Variants in TNFAIP2 observed in about 807,000 individuals in gnomAD.
TNFAIP2 encodes TNF alpha induced protein 2.
Under a neutral mutation model 63.5 loss-of-function variants are expected in TNFAIP2, and 47 were observed. The observed-to-expected ratio is 0.74, with a 90% CI of 0.59 to 0.94. TNFAIP2 has a LOEUF of 0.94. Ranked by LOEUF, TNFAIP2 falls within the 40% of genes least tolerant of loss-of-function variation. The pLI, the probability that TNFAIP2 is intolerant of heterozygous loss-of-function variation, is 0.00. For missense variants in TNFAIP2, 787 were observed against 850.2 expected, an observed-to-expected ratio of 0.93 and a Z score of 0.92; for synonymous variants, 405 against 390.2, an observed-to-expected ratio of 1.04 and a Z score of -0.45.
upstream of TNFAIP2, among the ~76,000 whole-genome samples, chr14:103,121,527 C>G (rs1440173282): frequency 6.6e-6 from 1 of 152,380 alleles, no homozygotes; most frequent in East Asian, 1.9e-4. Flanking sequence ...CCTATGGGCC[C>G]CATTGGCTGT....
chr14:103,122,294 A>T (rs1409365404), upstream of TNFAIP2, among the ~76,000 whole-genome samples: 1 of 152,186 alleles, frequency 6.6e-6, no homozygotes. Context: ...AGGGCACCTG[A>T]ACCCACAGCC....
Position 103,126,515 on chromosome 14 carries a change from T to C in TNFAIP2, c.58T>C (p.Tyr20His), listed in dbSNP as rs775164446. 179 of 1,580,632 alleles carry C rather than the reference T, an allele frequency of 1.1e-4. No individual in the cohort carries two copies. The highest frequency in any genetic ancestry group is 1.5e-4 in the Non-Finnish European group (173 of 1,163,264). The change falls in exon 2 of 12, where the codon TAT (tyrosine) becomes CAT (histidine). Residue 20 changes from tyrosine (Y) to histidine (H), a missense_variant. By Grantham distance (83) the Tyr-to-His change is moderately conservative. Coordinates refer to ENST00000560869, the MANE Select transcript of TNFAIP2 (RefSeq NM_006291.4). Reference protein sequence around the residue: ...VPPLEAGAAPYREEEEAAKKK... With the variant: ...VPPLEAGAAPHREEEEAAKKK... ...ACCCCTGGAGGCTGGGGCAGCCCCATATAGGGAGGAGGAAGAGGCGGCGAA... is the reference window on the plus strand; with the variant it reads ...ACCCCTGGAGGCTGGGGCAGCCCCACATAGGGAGGAGGAAGAGGCGGCGAA...
upstream of TNFAIP2, among the ~76,000 whole-genome samples, chr14:103,121,888 AG>A (rs1182754363): frequency 9.5e-5 from 3 of 31,738 alleles, no homozygotes; most frequent in East Asian, 3.9e-3. Flanking sequence ...AGGGGGGGTG[AG>A]GGGGTGGGGT....
Position 103,135,086 on chromosome 14 carries a change from G to A in TNFAIP2, c.1824-133G>A. ...CCATCAGGTGGAGGGCATGGGTGAG[G>A]GAGAGTGAAGTGCAGCCCCCTCGTG... On this transcript the variant is annotated intron_variant, in intron 11 of 11. Coordinates refer to ENST00000560869, the MANE Select transcript of TNFAIP2 (RefSeq NM_006291.4). This position sits in a 1 kb window ranked among gnomAD's most constrained non-coding sequence, Gnocchi z 7.6. 2 of 1,103,894 alleles carry A rather than the reference G, an allele frequency of 1.8e-6. No homozygotes were observed. The highest frequency in any genetic ancestry group is 2.7e-6 in the Non-Finnish European group (2 of 744,432). The allele number at this position is 1,103,894 out of a possible 1,614,324, so 68.4% of individuals were successfully genotyped here.
At position 103,131,417 on chromosome 14, in the gene TNFAIP2, A is replaced by T. The variant is rs2087970621; in HGVS notation, c.1299-222A>T. 6.6e-6 allele frequency among the ~76,000 whole-genome samples: 1 copy of T among 152,232 alleles called. No individual in the cohort carries two copies. The highest frequency in any genetic ancestry group is 6.5e-5 in the Admixed American group (1 of 15,286). On this transcript the variant is annotated intron_variant, in intron 7 of 11. Coordinates refer to ENST00000560869, the MANE Select transcript of TNFAIP2 (RefSeq NM_006291.4). This position sits in a 1 kb window ranked among gnomAD's most constrained non-coding sequence, Gnocchi z 4.0. ...GTATAGTGATCTGTCTATTAGGCAG[A>T]TGGGCAAACCACTGGAGGAGGCTCA... is the stretch of plus-strand genomic sequence containing the variant.
Position 103,129,806 on chromosome 14 carries a change from C to T in TNFAIP2, c.927C>T (p.Pro309=). The T allele has an allele frequency of 6.2e-7, 1 of 1,614,030 alleles. No individual in the cohort carries two copies. The highest frequency in any genetic ancestry group is 8.5e-7 in the Non-Finnish European group (1 of 1,179,966). ...GTATGGGGCTCGGGAGCCTCCTGCC[C>T]CCCAGGCAGATCCGACTGCTGGAGG... ...LQGMGLGSLL[P]PRQIRLLEAT... The change falls in exon 4 of 12, where the codon CCC becomes CCT. Residue 309 remains proline, a synonymous_variant. Coordinates refer to ENST00000560869, the MANE Select transcript of TNFAIP2 (RefSeq NM_006291.4).
Position 103,131,175 on chromosome 14 carries a change from G to A in TNFAIP2, c.1298+25G>A, listed in dbSNP as rs1015375500. ...GGTGAGAGTGTTGGGAGGGGCTTGCGGGAGTGGGAGTCACTCAGCGGGCAG... is the reference window on the plus strand; with the variant it reads ...GGTGAGAGTGTTGGGAGGGGCTTGCAGGAGTGGGAGTCACTCAGCGGGCAG... On this transcript the variant is annotated intron_variant, in intron 7 of 11. Coordinates refer to ENST00000560869, the MANE Select transcript of TNFAIP2 (RefSeq NM_006291.4). This position sits in a 1 kb window ranked among gnomAD's most constrained non-coding sequence, Gnocchi z 4.0. The A allele has an allele frequency of 1.3e-5, 21 of 1,611,396 alleles. No homozygotes were observed. The highest frequency in any genetic ancestry group is 6.7e-5 in the African/African-American group (5 of 74,992).
chr14:103,131,774 C>G lies in TNFAIP2; in HGVS notation c.1422+12C>G. Reference sequence around the variant, plus strand: ...ATGAGGACCTGAAGGTAGCGGGAGCCTCTTGCCCTCAGGAGCCCAGTGTTG... The same window carrying G: ...ATGAGGACCTGAAGGTAGCGGGAGCGTCTTGCCCTCAGGAGCCCAGTGTTG... On this transcript the variant is annotated intron_variant, in intron 8 of 11. Transcript: ENST00000560869. The surrounding 1 kb of genome is among the most constrained non-coding windows in gnomAD (Gnocchi z 4.0). The G allele has an allele frequency of 6.2e-7, 1 of 1,608,280 alleles. No homozygotes were observed. The highest frequency in any genetic ancestry group is 8.5e-7 in the Non-Finnish European group (1 of 1,177,446).
chr14:103,131,000 G>C, intron 6 of TNFAIP2, 52 bp from the exon 7 acceptor site: 2 of 1,585,616 alleles, frequency 1.3e-6, no homozygotes, highest in Non-Finnish European at 8.7e-7. Flanking sequence ...GGCTGCTGCT[G>C]TGGTCCCAGT....
intron 11 of TNFAIP2, among the ~76,000 whole-genome samples, chr14:103,134,813 G>T (rs1433528331): frequency 2.0e-5 from 3 of 152,104 alleles, no homozygotes; most frequent in Non-Finnish European, 2.9e-5. Flanking sequence ...TTCTGTTGAG[G>T]GCCAGCAATA....
chr14:103,135,981 C>T lies in TNFAIP2; in HGVS notation c.*621C>T. The T allele has an allele frequency of 7.8e-7, 1 of 1,289,234 alleles. No homozygotes were observed. The highest frequency in any genetic ancestry group is 1.0e-6 in the Non-Finnish European group (1 of 988,818). 79.9% of individuals were successfully genotyped at this position (1,289,234 alleles called of 1,614,324 possible). ...CAGGTGGCCCCACGGCCCCTACAGG[C>T]TGGCCCTGCAATGGGGCCCTGAGCC... On this transcript the variant is annotated 3_prime_UTR_variant, in exon 12 of 12. Coordinates refer to ENST00000560869, the MANE Select transcript of TNFAIP2 (RefSeq NM_006291.4). This position sits in a 1 kb window ranked among gnomAD's most constrained non-coding sequence, Gnocchi z 7.6.
chr14:103,131,836 G>A lies in TNFAIP2; in HGVS notation c.1422+74G>A. On this transcript the variant is annotated intron_variant, in intron 8 of 11. Transcript: ENST00000560869. The surrounding 1 kb of genome is among the most constrained non-coding windows in gnomAD (Gnocchi z 4.0). Reference sequence around the variant, plus strand: ...GGGAGGGACTGGGAGGTGCCCCCAGGGAGGAGTGGCAGAAGCAAAGATGTG... The same window carrying A: ...GGGAGGGACTGGGAGGTGCCCCCAGAGAGGAGTGGCAGAAGCAAAGATGTG... 1 of 1,545,152 alleles carries A rather than the reference G, an allele frequency of 6.5e-7. No individual in the cohort carries two copies. Among genetic ancestry groups the A allele is most frequent in the Non-Finnish European group, 8.7e-7 (1 of 1,144,910 alleles).
At chr14:103,133,155 T>C (rs1224994718) in intron 9 of TNFAIP2, among the ~76,000 whole-genome samples, 1 of 150,770 alleles carries the variant, frequency 6.6e-6, no homozygotes, top group Non-Finnish European at 1.5e-5. Flanking sequence ...CACACACATG[T>C]GAACACGTGA....
At chr14:103,122,941 C>A, upstream of TNFAIP2, 1 of 401,080 alleles carries the variant, frequency 2.5e-6, no homozygotes, top group South Asian at 1.8e-5. Flanking sequence ...GGCCAGCACT[C>A]TGGCCAGCCT....
rs975431888 is a variant in TNFAIP2, at chr14:103,133,427, C to T, written c.1611C>T (p.Arg537=). The T allele has an allele frequency of 1.9e-6, 3 of 1,613,998 alleles. No homozygotes were observed. Among genetic ancestry groups the T allele is most frequent in the African/African-American group, 2.7e-5 (2 of 75,050 alleles). The change falls in exon 10 of 12, where the codon CGC becomes CGT. Residue 537 remains arginine, a synonymous_variant. Coordinates refer to ENST00000560869, the MANE Select transcript of TNFAIP2 (RefSeq NM_006291.4). ...ACATCATCCAACTCAGCAAGGGGCG[C>T]CTGGTCCTCAAGACGGCCGAGCAGC... ...KEYIIQLSKG[R]LVLKTAEQQQ...
chr14:103,130,052 C>T lies in TNFAIP2; in HGVS notation c.1026C>T (p.Arg342=). The T allele has an allele frequency of 6.2e-7, 1 of 1,613,310 alleles. No homozygotes were observed. Among genetic ancestry groups the T allele is most frequent in the Non-Finnish European group, 8.5e-7 (1 of 1,179,958 alleles). ...GAGCTCTGGAGCTAGAGGCACGGCG[C>T]TGGGCTGAGGATGTGCCTCCCCAGA... ...MDRALELEAR[R]WAEDVPPQRL... The change falls in exon 5 of 12, where the codon CGC becomes CGT. Residue 342 remains arginine (R), a synonymous_variant. Coordinates refer to ENST00000560869, the MANE Select transcript of TNFAIP2 (RefSeq NM_006291.4).
chr14:103,133,106 GCA>G (rs1386458269), intron 9 of TNFAIP2, among the ~76,000 whole-genome samples: 2 of 152,092 alleles, frequency 1.3e-5, no homozygotes, highest in African/African-American at 4.8e-5. Flanking sequence ...GTGAACACAT[GCA>G]CACATATGAA....
Position 103,127,697 on chromosome 14 carries a change from G to A in TNFAIP2, c.860+68G>A, listed in dbSNP as rs1356568683. ...TCCTCTGTAGGAGGGGTGTCGAGGGGTGTCGAGGTGTGCCGCCGGCAGCTT... is the reference window on the plus strand; with the variant it reads ...TCCTCTGTAGGAGGGGTGTCGAGGGATGTCGAGGTGTGCCGCCGGCAGCTT... On this transcript the variant is annotated intron_variant, in intron 3 of 11. Coordinates refer to ENST00000560869, the MANE Select transcript of TNFAIP2 (RefSeq NM_006291.4). This position sits in a 1 kb window ranked among gnomAD's most constrained non-coding sequence, Gnocchi z 5.1. The A allele has an allele frequency of 7.1e-7, 1 of 1,398,684 alleles. No homozygotes were observed. 86.6% of individuals were successfully genotyped at this position (1,398,684 alleles called of 1,614,324 possible).
In TNFAIP2 at chr14:103,127,701, C is replaced by T. The variant is rs2087891480; in HGVS notation, c.860+72C>T. On this transcript the variant is annotated intron_variant, in intron 3 of 11. Transcript: ENST00000560869. The surrounding 1 kb of genome is among the most constrained non-coding windows in gnomAD (Gnocchi z 5.1). ...CTGTAGGAGGGGTGTCGAGGGGTGT[C>T]GAGGTGTGCCGCCGGCAGCTTTTAG... 1.4e-6 allele frequency: 2 copies of T among 1,391,800 alleles called. No individual in the cohort carries two copies. Among genetic ancestry groups the T allele is most frequent in the South Asian group, 1.6e-5 (1 of 62,348 alleles). 86.2% of individuals were successfully genotyped at this position (1,391,800 alleles called of 1,614,324 possible).
Sources: gnomAD v4.1 joint callset for allele counts (sites outside exome capture counted in the v4.1 genomes callset) on GRCh38, gnomAD v4.1.1 for gene constraint, Gnocchi (gnomAD v3.1) non-coding constraint, MANE v1.5 for transcripts, NCBI Gene and HGNC (gene_info 2026-07-23, HGNC 2026-07-21) for gene names.